CLASP1: variants seen among roughly 807,000 people sequenced by gnomAD.
CLASP1 encodes CLIP-associating protein 1.
Under a neutral mutation model 192.3 loss-of-function variants are expected in CLASP1, and 38 were observed. The observed-to-expected ratio is 0.20, with a 90% CI of 0.15 to 0.26. The LOEUF (loss-of-function observed/expected upper bound fraction) is 0.26, where lower values mean the gene tolerates loss of function less well. CLASP1 is among the 10% of genes least tolerant of loss of function. CLASP1 has a pLI of 1.00. For missense variants in CLASP1, 1,433 were observed against 1,932.5 expected (o/e 0.74, Z 4.85); for synonymous variants, 691 against 712.8 (o/e 0.97, Z 0.49).
intron 20 of CLASP1, among the ~76,000 whole-genome samples, chr2:121,429,367 C>G (rs539521008): frequency 1.8e-4 from 27 of 151,324 alleles, no homozygotes; most frequent in Non-Finnish European, 3.1e-4. Flanking sequence ...CAGGAGCACT[C>G]TGCTACCCAG....
Position 121,364,410 on chromosome 2 carries a change from A to T in CLASP1, c.4077+684T>A, listed in dbSNP as rs892158654. On this transcript the variant is annotated intron_variant, in intron 36 of 39. Coordinates refer to ENST00000263710, the Ensembl canonical transcript of CLASP1. The stretch of plus-strand genomic sequence containing the variant: ...TCTCAGCATCTATTCCTGTTTCCAT[A>T]TAAGGGACCAGCTCCACAGGTGGGA... 4 of 152,544 alleles carry T rather than the reference A, an allele frequency of 2.6e-5. No homozygotes were observed. In the East Asian group the frequency reaches 7.7e-4, roughly 29 times the overall value. The allele number at this position is 152,544 out of a possible 1,614,324, so 9.4% of individuals were successfully genotyped here.
At chr2:121,592,502 C>T (rs886558117) in intron 2 of CLASP1, among the ~76,000 whole-genome samples, 3 of 152,090 alleles carry the variant, frequency 2.0e-5, no homozygotes, top group Non-Finnish European at 4.4e-5. Context: ...TTTGATAGAA[C>T]TTCATTCTTT....
At chr2:121,343,155 G>A (rs574841590) in intron 39 of CLASP1, among the ~76,000 whole-genome samples, 1 of 152,284 alleles carries the variant, frequency 6.6e-6, no homozygotes, top group African/African-American at 2.4e-5. Context: ...TTCAACAAAT[G>A]AGATACCCAT....
chr2:121,539,201 G>A lies in CLASP1; in HGVS notation c.196-8876C>T, dbSNP rs866797124. ...CCAAAATACGTGTGATAATACGAATGGCAAGGCACTCTTTTGGTTAAACAA... is the reference window on the plus strand; with the variant it reads ...CCAAAATACGTGTGATAATACGAATAGCAAGGCACTCTTTTGGTTAAACAA... On this transcript the variant is annotated intron_variant, in intron 2 of 39. Coordinates refer to ENST00000263710, the Ensembl canonical transcript of CLASP1. 7.2e-5 allele frequency among the ~76,000 whole-genome samples: 11 copies of A among 152,264 alleles called. 1 individual carries two copies. The highest frequency in any genetic ancestry group is 8.8e-5 in the Non-Finnish European group (6 of 68,026).
At chr2:121,340,134 A>T (rs2062646605) in exon 40 of CLASP1, 1 of 152,220 alleles carries the variant, frequency 6.6e-6, no homozygotes, top group Non-Finnish European at 1.5e-5. Flanking sequence ...GTCCAGATTT[A>T]AACTTGAAGA....
intron 6 of CLASP1, among the ~76,000 whole-genome samples, chr2:121,521,971 T>A (rs970167849): frequency 1.3e-5 from 2 of 152,146 alleles, no homozygotes; most frequent in Non-Finnish European, 2.9e-5. Context: ...TAGGAAAGAT[T>A]AATGAAAAAA....
chr2:121,520,301 G>C (rs1012877254), intron 6 of CLASP1, among the ~76,000 whole-genome samples: 13 of 152,218 alleles, frequency 8.5e-5, no homozygotes, highest in Non-Finnish European at 1.3e-4. Context: ...TTCCGCCCTA[G>C]GGTGGGGGAC....
intron 22 of CLASP1, among the ~76,000 whole-genome samples, chr2:121,423,757 G>A (rs1191290797): frequency 2.0e-5 from 3 of 152,116 alleles, no homozygotes; most frequent in Non-Finnish European, 4.4e-5. Context: ...ACCACACTAC[G>A]CAATGCCAAT....
chr2:121,478,643 ACCCC>A (rs1486283470), intron 8 of CLASP1, among the ~76,000 whole-genome samples: 1 of 77,298 alleles, frequency 1.3e-5, no homozygotes, highest in Non-Finnish European at 2.5e-5. Flanking sequence ...ACACACACAC[ACCCC>A]CCACACACAC....
chr2:121,414,428 CGCTCTTAAAGGT>C, intron 23 of CLASP1, among the ~76,000 whole-genome samples: 1 of 152,246 alleles, frequency 6.6e-6, no homozygotes, highest in South Asian at 2.1e-4. Context: ...ACAACAAAGG[CGCTCTTAAAGGT>C]GCTCCAAACT....
chr2:121,569,829 ACT>A (rs895199241), intron 2 of CLASP1, among the ~76,000 whole-genome samples: 9 of 151,330 alleles, frequency 5.9e-5, no homozygotes, highest in Non-Finnish European at 1.0e-4. Context: ...AAAGAGGGAG[ACT>A]CTGTCTCAAA....
chr2:121,463,323 T>C (rs1394010328), intron 9 of CLASP1, among the ~76,000 whole-genome samples: 1 of 152,218 alleles, frequency 6.6e-6, no homozygotes, highest in Admixed American at 6.5e-5. Flanking sequence ...ATTAGTCTGA[T>C]TGCTTTTCTA....
At chr2:121,377,709 G>A in intron 33 of CLASP1, 60 bp from the exon 35 acceptor site, 1 of 1,144,230 alleles carries the variant, frequency 8.7e-7, no homozygotes, top group Non-Finnish European at 1.2e-6. Context: ...CTGAGATATG[G>A]GCATAAGTTA....
Position 121,528,782 on chromosome 2 carries a change from T to C in CLASP1, c.275-2A>G. 6.2e-7 allele frequency: 1 copy of C among 1,612,128 alleles called. No individual in the cohort carries two copies. The highest frequency in any genetic ancestry group is 8.5e-7 in the Non-Finnish European group (1 of 1,178,184). ...GTCTGTCTATTAGACTTGGCAGCAC[T>C]GAAAATCAAAATGGAAACTGATCAA... On this transcript the variant is annotated splice_acceptor_variant, in intron 3 of 39. Coordinates refer to ENST00000263710, the Ensembl canonical transcript of CLASP1. LOFTEE classifies it high-confidence loss of function.
intron 2 of CLASP1, among the ~76,000 whole-genome samples, chr2:121,557,802 G>C (rs1391763737): frequency 6.6e-6 from 1 of 151,538 alleles, no homozygotes; most frequent in Non-Finnish European, 1.5e-5. Flanking sequence ...TTATGTGTAG[G>C]CTGGGCACGG....
At chr2:121,361,527 G>A (rs1417311035) in intron 37 of CLASP1, among the ~76,000 whole-genome samples, 1 of 152,068 alleles carries the variant, frequency 6.6e-6, no homozygotes, top group Non-Finnish European at 1.5e-5. Context: ...TCCAACCCGT[G>A]GCCCAGGATG....
chr2:121,561,731 T>C (rs1483836571), intron 2 of CLASP1, among the ~76,000 whole-genome samples: 2 of 152,202 alleles, frequency 1.3e-5, no homozygotes, highest in Non-Finnish European at 2.9e-5. Context: ...TAAGGGCAAG[T>C]GAGTCAGGCC....
At chr2:121,627,948 C>G (rs904332084) in intron 1 of CLASP1, among the ~76,000 whole-genome samples, 4 of 152,168 alleles carry the variant, frequency 2.6e-5, no homozygotes, top group East Asian at 3.9e-4. Context: ...ATTTTATACA[C>G]TGCATACAAT....
chr2:121,449,141 C>T (rs1191026520), intron 16 of CLASP1, 21 bp from the exon 17 acceptor site: 1 of 1,611,734 alleles, frequency 6.2e-7, no homozygotes, highest in South Asian at 1.1e-5. Context: ...CACACAAAAT[C>T]CTGGTCTAAT....
Sources: gnomAD v4.1 joint callset for allele counts (sites outside exome capture counted in the v4.1 genomes callset) on GRCh38, gnomAD v4.1.1 for gene constraint, MANE v1.5 for transcripts, NCBI Gene and HGNC (gene_info 2026-07-23, HGNC 2026-07-21) for gene names.